The following HMCN2 variants were observed in gnomAD, a reference collection of about 807,000 sequenced individuals.
HMCN2 encodes hemicentin 2, also known as hemicentin-2.
HMCN2 carries 325 observed loss-of-function variants against 377.5 expected under a neutral mutation model. The ratio of observed to expected loss-of-function variants is 0.86; its 90% CI spans 0.79 to 0.94. The LOEUF (loss-of-function observed/expected upper bound fraction) is 0.94, where lower values mean the gene tolerates loss of function less well. Ranked by LOEUF, HMCN2 falls within the 40% of genes least tolerant of loss-of-function variation. The pLI is 0.00. For synonymous variants in HMCN2, 2,007 were observed against 2,046.8 expected (o/e 0.98, Z 0.53); for missense variants, 4,543 against 4,725.3 (o/e 0.96, Z 1.13).
intron 74 of HMCN2, among the ~76,000 whole-genome samples, chr9:130,397,890 A>AAGGTAAAACAAGTCTGAG (rs1842682574): frequency 6.6e-6 from 1 of 152,118 alleles, no homozygotes. Flanking sequence ...CCATGTACAA[A>AAGGTAAAACAAGTCTGAG]AGGTAAAACA....
chr9:130,358,350 G>A, intron 35 of HMCN2, 40 bp from the exon 36 acceptor site: 1 of 1,303,936 alleles, frequency 7.7e-7, no homozygotes, highest in Non-Finnish European at 1.0e-6. Flanking sequence ...GTCATCACTT[G>A]GACAGCCCTG....
At chr9:130,299,328 A>C in intron 8 of HMCN2, 40 bp downstream of exon 8, 1 of 404,314 alleles carries the variant, frequency 2.5e-6, no homozygotes, top group African/African-American at 2.1e-5. Context: ...CCCCTGGCTC[A>C]TTCAGAGTCC....
At chr9:130,368,865 A>G (rs11243784) in intron 44 of HMCN2, among the ~76,000 whole-genome samples, 3,699 of 151,830 alleles carry the variant, frequency 0.024, 50 homozygotes, top group Middle Eastern at 0.061. Context: ...TGATCCAATC[A>G]CCTCCCACCA....
At position 130,349,108 on chromosome 9, in the gene HMCN2, G is replaced by A; in HGVS notation, c.4280G>A (p.Arg1427Lys). ...RAENQAGTAQRDFHLLVLTPP... is the reference protein window; with the variant it reads ...RAENQAGTAQKDFHLLVLTPP... ...GAGAACCAGGCTGGCACCGCCCAGAGGGACTTCCATCTCCTTGTGCTCAGT... is the reference window on the plus strand; with the variant it reads ...GAGAACCAGGCTGGCACCGCCCAGAAGGACTTCCATCTCCTTGTGCTCAGT... Residue 1427 changes from arginine (R) to lysine (K), a missense_variant, in exon 28 of 98, where the codon AGG (arginine) becomes AAG (lysine). Transcript: ENST00000683500. The A allele has an allele frequency of 2.3e-6, 3 of 1,304,178 alleles. No homozygotes were observed. Among genetic ancestry groups the A allele is most frequent in the African/African-American group, 1.5e-5 (1 of 65,982 alleles). The allele number at this position is 1,304,178 out of a possible 1,614,324, so 80.8% of individuals were successfully genotyped here. A position where few individuals can be genotyped will look rare whatever the true frequency, so the allele number is the denominator to read the frequency against.
chr9:130,282,859 T>C (rs577325028), intron 1 of HMCN2, among the ~76,000 whole-genome samples: 1 of 152,216 alleles, frequency 6.6e-6, no homozygotes, highest in East Asian at 1.9e-4. Context: ...TCACTTGAGG[T>C]CAGGAGTTCA....
chr9:130,434,057 G>T lies in HMCN2; in HGVS notation c.*364G>T, dbSNP rs777509947. Reference sequence around the variant, plus strand: ...CGCGTTAGGGGTGGCAGCAGCTGTCGCCCGGCCACACCTGGTGGTGTCATT... The same window carrying T: ...CGCGTTAGGGGTGGCAGCAGCTGTCTCCCGGCCACACCTGGTGGTGTCATT... On this transcript the variant is annotated 3_prime_UTR_variant, in exon 98 of 98. Coordinates refer to ENST00000683500, the MANE Select transcript of HMCN2 (RefSeq NM_001291815.2). 8.8e-6 allele frequency: 2 copies of T among 225,992 alleles called. No homozygotes were observed. The highest frequency in any genetic ancestry group is 1.7e-5 in the Non-Finnish European group (2 of 116,630). 14.0% of individuals were successfully genotyped at this position (225,992 alleles called of 1,614,324 possible). A position where few individuals can be genotyped will look rare whatever the true frequency, so the allele number is the denominator to read the frequency against.
chr9:130,312,590 T>C (rs1359315754), intron 15 of HMCN2, among the ~76,000 whole-genome samples: 1 of 103,198 alleles, frequency 9.7e-6, no homozygotes, highest in Non-Finnish European at 1.9e-5. Context: ...CTTTCTTTCT[T>C]TCTTTCTTTC....
intron 29 of HMCN2, among the ~76,000 whole-genome samples, chr9:130,349,888 C>CTTTTTTT (rs760662723): frequency 1.1e-5 from 1 of 91,306 alleles, no homozygotes; most frequent in Non-Finnish European, 2.1e-5. Flanking sequence ...TTAGCCTTTC[C>CTTTTTTT]TTTTTTTTTT....
At chr9:130,310,747 C>T (rs906113420) in intron 15 of HMCN2, among the ~76,000 whole-genome samples, 3 of 152,144 alleles carry the variant, frequency 2.0e-5, no homozygotes, top group Non-Finnish European at 4.4e-5. Context: ...GGAGGCCCAC[C>T]GCAGACAGTT....
chr9:130,406,984 C>T (rs1012448163), intron 82 of HMCN2: 3 of 152,400 alleles, frequency 2.0e-5, no homozygotes, highest in African/African-American at 7.3e-5. Context: ...GGCGCGGTGG[C>T]TCACGCCTGT....
rs1002756320 is a variant in HMCN2, at chr9:130,284,625, G to A, written c.282G>A (p.Thr94=). 2.1e-6 allele frequency: 1 copy of A among 471,156 alleles called. No homozygotes were observed. The highest frequency in any genetic ancestry group is 4.4e-6 in the Non-Finnish European group (1 of 227,056). The allele number at this position is 471,156 out of a possible 1,614,324, so 29.2% of individuals were successfully genotyped here. ...HDPDIGPVTL[T]ADPTVFQREL... Reference sequence around the variant, plus strand: ...CAGATATTGGCCCAGTGACCCTCACGGCGGACCCCACAGTGTTTCAGAGGG... The same window carrying A: ...CAGATATTGGCCCAGTGACCCTCACAGCGGACCCCACAGTGTTTCAGAGGG... The change falls in exon 2 of 98, where the codon ACG becomes ACA. Residue 94 remains threonine, a synonymous_variant. Coordinates refer to ENST00000683500, the MANE Select transcript of HMCN2 (RefSeq NM_001291815.2).
chr9:130,423,474 A>C lies in HMCN2; in HGVS notation c.13381+748A>C, dbSNP rs1844133199. 6.6e-6 allele frequency among the ~76,000 whole-genome samples: 1 copy of C among 152,186 alleles called. No homozygotes were observed. Among genetic ancestry groups the C allele is most frequent in the Non-Finnish European group, 1.5e-5 (1 of 68,030 alleles). On this transcript the variant is annotated intron_variant, in intron 87 of 97. Transcript: ENST00000683500. The surrounding 1 kb of genome is among the most constrained non-coding windows in gnomAD (Gnocchi z 5.5). Reference sequence around the variant, plus strand: ...GTCAGCAGACAGCAGATGAAGCGAGACGCTGCCCAGACATGGCTGCTTATT... The same window carrying C: ...GTCAGCAGACAGCAGATGAAGCGAGCCGCTGCCCAGACATGGCTGCTTATT...
At chr9:130,431,296 G>A (rs1174308623) in intron 95 of HMCN2, 71 bp from the exon 96 acceptor site, 17 of 1,452,052 alleles carry the variant, frequency 1.2e-5, no homozygotes, top group Middle Eastern at 2.4e-4. Flanking sequence ...GTGTGGCCAC[G>A]TTGGTGTCTG....
At position 130,294,917 on chromosome 9, in the gene HMCN2, C is replaced by T. The variant is rs535299766; in HGVS notation, c.675C>T (p.His225=). ...AGGTGCACCTGCTGTCCACAGACCA[C>T]GAGGAGGAGGGGGAGCACACATGGA... is the stretch of plus-strand genomic sequence containing the variant. The part of the protein sequence containing the change: ...ASKVHLLSTD[H]EEEGEHTWRL... The change falls in exon 5 of 98, where the codon CAC becomes CAT. Residue 225 remains histidine, a synonymous_variant. Transcript: ENST00000683500. 8.5e-5 allele frequency: 40 copies of T among 470,478 alleles called. No individual in the cohort carries two copies. Among genetic ancestry groups the T allele is most frequent in the East Asian group, 1.4e-4 (2 of 14,332 alleles). 29.1% of individuals were successfully genotyped at this position (470,478 alleles called of 1,614,324 possible).
At chr9:130,320,690 G>C (rs1004462012) in intron 17 of HMCN2, 86 bp from the exon 18 acceptor site, 2,274 of 152,394 alleles carry the variant, frequency 0.015, 22 homozygotes, top group Non-Finnish European at 0.025. Flanking sequence ...AGTTCCCTGG[G>C]GAGGGAGAGG....
At chr9:130,315,217 CT>C (rs1564777435) in intron 15 of HMCN2, among the ~76,000 whole-genome samples, 1 of 3,476 alleles carries the variant, frequency 2.9e-4, no homozygotes. Flanking sequence ...CCTCCCCTCC[CT>C]CCCCTCCCCT....
chr9:130,288,898 G>A (rs1253451627), intron 4 of HMCN2, among the ~76,000 whole-genome samples: 2 of 152,216 alleles, frequency 1.3e-5, no homozygotes, highest in Non-Finnish European at 2.9e-5. Context: ...TAAACAGACA[G>A]GGGATCATGT....
intron 93 of HMCN2, 176 bp from the exon 94 acceptor site, chr9:130,429,381 C>T: frequency 2.7e-6 from 2 of 732,764 alleles, no homozygotes; most frequent in Non-Finnish European, 4.4e-6. Flanking sequence ...ACCCTGTTGA[C>T]CTCCAACCTG....
chr9:130,299,268 C>T lies in HMCN2; in HGVS notation c.1256C>T (p.Ser419Phe), dbSNP rs1351497076. The change falls in exon 8 of 98, where the codon TCC becomes TTC. Residue 419 changes from serine to phenylalanine, a missense_variant. This residue lies in a region of HMCN2 where 547 missense variants were observed against 189.9 expected (regional missense o/e 2.88). Coordinates refer to ENST00000683500, the MANE Select transcript of HMCN2 (RefSeq NM_001291815.2). Reference sequence around the variant, plus strand: ...CCCCTCCTTCGTGTCTCTGGAGTGTCCTACAGTGGGGTGGCCCCAGGTGAG... The same window carrying T: ...CCCCTCCTTCGTGTCTCTGGAGTGTTCTACAGTGGGGTGGCCCCAGGTGAG... ...GNPLLRVSGV[S>F]YSGVAPGAPL... 6.4e-6 allele frequency: 3 copies of T among 467,136 alleles called. No individual in the cohort carries two copies. The highest frequency in any genetic ancestry group is 4.7e-5 in the Admixed American group (2 of 42,342). 28.9% of individuals were successfully genotyped at this position (467,136 alleles called of 1,614,324 possible). A position where few individuals can be genotyped will look rare whatever the true frequency, so the allele number is the denominator to read the frequency against.
Sources: gnomAD v4.1 joint callset for allele counts (sites outside exome capture counted in the v4.1 genomes callset) on GRCh38, gnomAD v4.1.1 for gene constraint, gnomAD v4.1.1 regional missense constraint, Gnocchi (gnomAD v3.1) non-coding constraint, MANE v1.5 for transcripts, NCBI Gene and HGNC (gene_info 2026-07-23, HGNC 2026-07-21) for gene names.